The following NGEF variants were observed in gnomAD, a reference collection of about 807,000 sequenced individuals.
NGEF encodes the protein neuronal guanine nucleotide exchange factor.
NGEF carries 31 observed loss-of-function variants against 80.9 expected under a neutral mutation model. That is an observed-to-expected ratio of 0.38 (90% CI 0.29 to 0.52). The LOEUF is 0.52. Ranked by LOEUF, NGEF falls within the 20% of genes least tolerant of loss-of-function variation. The pLI, the probability that NGEF is intolerant of heterozygous loss-of-function variation, is 0.84. For synonymous variants in NGEF, 371 were observed against 370.2 expected (o/e 1.00, Z -0.03); for missense variants, 709 against 926.2 (o/e 0.77, Z 3.04).
chr2:232,884,536 T>A (rs1356784940), intron 10 of NGEF, among the ~76,000 whole-genome samples: 1 of 152,166 alleles, frequency 6.6e-6, no homozygotes, highest in African/African-American at 2.4e-5. Context: ...CTAGTGTCTG[T>A]CATCATTGCC....
At position 232,930,392 on chromosome 2, in the gene NGEF, T is replaced by G. The variant is rs192369099; in HGVS notation, c.384-3206A>C. On this transcript the variant is annotated intron_variant, in intron 3 of 14. Coordinates refer to ENST00000264051, the MANE Select transcript of NGEF (RefSeq NM_019850.3). Reference sequence around the variant, plus strand: ...TGGAGTGCAATGGCGCGATCTCGGCTTACTGCAACTTCTGCCTCCCGGGTT... The same window carrying G: ...TGGAGTGCAATGGCGCGATCTCGGCGTACTGCAACTTCTGCCTCCCGGGTT... 2.5e-3 allele frequency among the ~76,000 whole-genome samples: 383 copies of G among 151,988 alleles called. 3 individuals are homozygous for G. The highest frequency in any genetic ancestry group is 8.8e-3 in the African/African-American group (364 of 41,430).
At chr2:232,964,306 T>C (rs566583404) in intron 3 of NGEF, among the ~76,000 whole-genome samples, 5 of 152,334 alleles carry the variant, frequency 3.3e-5, no homozygotes, top group African/African-American at 1.2e-4. Context: ...CATAGCAACT[T>C]TATTCATAAT....
At position 233,013,024 on chromosome 2, in the gene NGEF, A is replaced by G; in HGVS notation, c.-75+44T>C. On this transcript the variant is annotated intron_variant, in intron 1 of 14. Coordinates refer to ENST00000264051, the MANE Select transcript of NGEF (RefSeq NM_019850.3). ...TAGCCTCTGTTCCTTCTCTTGTTTTATCTCATTTTATTTTTTTAAAAAATA... is the reference window on the plus strand; with the variant it reads ...TAGCCTCTGTTCCTTCTCTTGTTTTGTCTCATTTTATTTTTTTAAAAAATA... 4 of 457,018 alleles carry G rather than the reference A, an allele frequency of 8.8e-6. No individual in the cohort carries two copies. The East Asian group carries it at 2.1e-4, about 24-fold the overall frequency. The allele number at this position is 457,018 out of a possible 1,614,324, so 28.3% of individuals were successfully genotyped here.
intron 7 of NGEF, among the ~76,000 whole-genome samples, chr2:232,891,706 C>A (rs1033924549): frequency 4.6e-5 from 7 of 152,224 alleles, no homozygotes; most frequent in Non-Finnish European, 8.8e-5. Context: ...AGACTTGGCA[C>A]AATATGCTGC....
intron 3 of NGEF, among the ~76,000 whole-genome samples, chr2:232,948,163 G>GTGTA (rs1693599890): frequency 6.6e-6 from 1 of 150,830 alleles, no homozygotes; most frequent in Non-Finnish European, 1.5e-5. Flanking sequence ...GTGTGTGTGT[G>GTGTA]TGTGTGTGTG....
rs574061412 is a variant in NGEF at position 232,905,122 on chromosome 2, C to A, written c.829-10206G>T. Among the ~76,000 whole-genome samples the A allele has an allele frequency of 2.6e-5, 4 of 152,292 alleles. No individual in the cohort carries two copies. The East Asian group carries it at 7.7e-4, about 29-fold the overall frequency. ...TCCTCTCACCTCTCACCTCTCCTCT[C>A]CCCTTTCCACGGTCTCCCTCTCATG... On this transcript the variant is annotated intron_variant, in intron 5 of 14. Coordinates refer to ENST00000264051, the MANE Select transcript of NGEF (RefSeq NM_019850.3).
At chr2:232,895,542 A>C (rs1574996330) in intron 5 of NGEF, among the ~76,000 whole-genome samples, 1 of 140,928 alleles carries the variant, frequency 7.1e-6, no homozygotes, top group Admixed American at 7.2e-5. Context: ...AAAAAAAAAA[A>C]GGTCAGCCAC....
rs747384979 is a variant in NGEF at position 232,884,136 on chromosome 2, G to A, written c.1446C>T (p.Pro482=). Residue 482 remains proline, a synonymous_variant, in exon 11 of 15, where the codon CCC becomes CCT. Coordinates refer to ENST00000264051, the MANE Select transcript of NGEF (RefSeq NM_019850.3). ...KKMEFKIKSV[P]IISHSRWLLK... is the part of the protein sequence containing the mutation. ...GCAGCCAGCGGGAGTGGGAGATGAT[G>A]GGCACCGACTGCAGCGGGGAAAGGG... 6.3e-7 allele frequency: 1 copy of A among 1,599,568 alleles called. No individual in the cohort carries two copies. Among genetic ancestry groups the A allele is most frequent in the Non-Finnish European group, 8.5e-7 (1 of 1,175,828 alleles).
At position 232,994,269 on chromosome 2, in the gene NGEF, C is replaced by G. The variant is rs372601046; in HGVS notation, c.-75+18799G>C. On this transcript the variant is annotated intron_variant, in intron 1 of 14. Transcript: ENST00000264051. Reference sequence around the variant, plus strand: ...CCTGTAATCTCAGCTACTCAGGGGGCTGAGACAGGAGAATCACTTGAACCC... The same window carrying G: ...CCTGTAATCTCAGCTACTCAGGGGGGTGAGACAGGAGAATCACTTGAACCC... 5.6e-4 allele frequency among the ~76,000 whole-genome samples: 84 copies of G among 150,904 alleles called. 2 individuals are homozygous for G. In the South Asian group the frequency reaches 0.017, roughly 30 times the overall value.
chr2:232,884,033 T>G lies in NGEF; in HGVS notation c.1549A>C (p.Ile517Leu). The stretch of plus-strand genomic sequence containing the variant: ...AGGTCGTTGAACAGGAAGAGGTAAA[T>G]TTCGTGGAAGAGCTTCTTGGTCCTC... ...TLRTKKLFHE[I>L]YLFLFNDLLV... The change falls in exon 11 of 15, where the codon ATT becomes CTT. Residue 517 changes from isoleucine (I) to leucine (L), a missense_variant. By Grantham distance (5) the Ile-to-Leu change is conservative (BLOSUM62 2). This residue lies in a region of NGEF where 426 missense variants were observed against 622.9 expected (regional missense o/e 0.68). Transcript: ENST00000264051. The G allele has an allele frequency of 6.2e-7, 1 of 1,612,220 alleles. No homozygotes were observed.
intron 3 of NGEF, among the ~76,000 whole-genome samples, chr2:232,942,784 C>G (rs998377526): frequency 1.6e-5 from 2 of 128,598 alleles, no homozygotes; most frequent in African/African-American, 6.3e-5. Flanking sequence ...AGGCAGGAGA[C>G]TCCGTCTCAA....
At chr2:232,956,202 G>A (rs535401336) in intron 3 of NGEF, among the ~76,000 whole-genome samples, 1 of 151,794 alleles carries the variant, frequency 6.6e-6, no homozygotes, top group Admixed American at 6.5e-5. Flanking sequence ...CAACCACTCT[G>A]AGTGGTTGTC....
chr2:232,989,028 T>TTA (rs1694598146), intron 1 of NGEF, among the ~76,000 whole-genome samples: 1 of 152,176 alleles, frequency 6.6e-6, no homozygotes, highest in Non-Finnish European at 1.5e-5. Context: ...TTATCAATGG[T>TTA]TACACACACA....
At chr2:233,000,735 G>A (rs1446863870) in intron 1 of NGEF, among the ~76,000 whole-genome samples, 2 of 150,752 alleles carry the variant, frequency 1.3e-5, no homozygotes, top group Non-Finnish European at 3.0e-5. Flanking sequence ...ACTCCAGCTC[G>A]GGCGACAGAG....
intron 1 of NGEF, among the ~76,000 whole-genome samples, chr2:233,008,218 G>C (rs543736002): frequency 3.3e-5 from 5 of 152,216 alleles, no homozygotes; most frequent in Non-Finnish European, 7.3e-5. Context: ...CTGAGAGTAG[G>C]AAATTGAGTT....
chr2:232,899,753 CGT>C (rs60400898), intron 5 of NGEF, among the ~76,000 whole-genome samples: 2 of 149,012 alleles, frequency 1.3e-5, no homozygotes, highest in Admixed American at 6.8e-5. Flanking sequence ...CACTTACACA[CGT>C]GCTCTCACAG....
At chr2:232,891,270 A>C in intron 8 of NGEF, 88 bp downstream of exon 8, 1 of 1,524,068 alleles carries the variant, frequency 6.6e-7, no homozygotes, top group Non-Finnish European at 9.0e-7. Flanking sequence ...TTGAACCAGT[A>C]GACCTCCTAG....
At chr2:232,961,160 A>G (rs115808293) in intron 3 of NGEF, among the ~76,000 whole-genome samples, 1,560 of 152,188 alleles carry the variant, frequency 0.01, 20 homozygotes, top group African/African-American at 0.027. Flanking sequence ...CATCTTGAAA[A>G]CTGAAGAACT....
intron 1 of NGEF, among the ~76,000 whole-genome samples, chr2:232,985,826 C>G (rs1165131406): frequency 6.6e-6 from 1 of 151,682 alleles, no homozygotes; most frequent in Non-Finnish European, 1.5e-5. Context: ...GTAATTCCAG[C>G]TACTTGGGAG....
Sources: gnomAD v4.1 joint callset for allele counts (sites outside exome capture counted in the v4.1 genomes callset) on GRCh38, gnomAD v4.1.1 for gene constraint, gnomAD v4.1.1 regional missense constraint, MANE v1.5 for transcripts, NCBI Gene and HGNC (gene_info 2026-07-23, HGNC 2026-07-21) for gene names.